Variants in GBE1 observed in about 807,000 individuals in gnomAD.
GBE1 encodes the protein 1,4-alpha-glucan-branching enzyme.
A neutral mutation model predicts 88.8 loss-of-function variants in GBE1; 70 were observed. The ratio of observed to expected loss-of-function variants is 0.79; its 90% confidence interval spans 0.65 to 0.96. GBE1 has a LOEUF of 0.96. Among genes scored for constraint, GBE1 ranks in the 40% least tolerant of loss-of-function variants. GBE1 has a pLI of 0.00. For missense variants in GBE1, 872 were observed against 871.0 expected (o/e 1.00, Z -0.01); for synonymous variants, 284 against 300.1 (o/e 0.95, Z 0.56).
chr3:81,629,890 C>T (rs1237227502), intron 7 of GBE1, among the ~76,000 whole-genome samples: 2 of 149,364 alleles, frequency 1.3e-5, no homozygotes, highest in Middle Eastern at 3.4e-3. Context: ...CAACAGTCCC[C>T]GGTGTGTGAT....
At chr3:81,547,620 G>A (rs879575651) in intron 12 of GBE1, among the ~76,000 whole-genome samples, 4 of 129,484 alleles carry the variant, frequency 3.1e-5, no homozygotes, top group Non-Finnish European at 6.5e-5. Flanking sequence ...TTCTAGGTTC[G>A]TTTGTTCTCT....
chr3:81,528,589 A>G (rs1702975942), intron 14 of GBE1, among the ~76,000 whole-genome samples: 1 of 151,998 alleles, frequency 6.6e-6, no homozygotes, highest in African/African-American at 2.4e-5. Context: ...TGAAGTCTCC[A>G]GCTGTTATTG....
chr3:81,712,122 C>T (rs1261233126), intron 1 of GBE1, among the ~76,000 whole-genome samples: 1 of 152,150 alleles, frequency 6.6e-6, no homozygotes, highest in South Asian at 2.1e-4. Flanking sequence ...ACACCAGTTA[C>T]AATGGCGATC....
intron 1 of GBE1, among the ~76,000 whole-genome samples, chr3:81,708,826 C>T (rs1427546556): frequency 6.6e-6 from 1 of 151,842 alleles, no homozygotes; most frequent in African/African-American, 2.4e-5. Flanking sequence ...TATATGACAA[C>T]CATCAAAAAA....
At chr3:81,663,858 G>A (rs1008514439) in intron 3 of GBE1, among the ~76,000 whole-genome samples, 6 of 152,080 alleles carry the variant, frequency 3.9e-5, no homozygotes, top group Admixed American at 3.3e-4. Context: ...CCCATCGCGC[G>A]CCCTGTGAGG....
intron 1 of GBE1, among the ~76,000 whole-genome samples, chr3:81,736,941 G>A (rs1294088258): frequency 6.6e-6 from 1 of 152,048 alleles, no homozygotes; most frequent in African/African-American, 2.4e-5. Context: ...GTAACTCTAT[G>A]CAGAATGGAA....
intron 14 of GBE1, among the ~76,000 whole-genome samples, chr3:81,513,457 A>G (rs1189121392): frequency 6.6e-6 from 1 of 151,618 alleles, no homozygotes; most frequent in Non-Finnish European, 1.5e-5. Flanking sequence ...ACTATGTGCT[A>G]GAGGGCAAAG....
At chr3:81,662,235 T>G (rs1036214353) in intron 3 of GBE1, among the ~76,000 whole-genome samples, 2 of 152,160 alleles carry the variant, frequency 1.3e-5, no homozygotes, top group Admixed American at 1.3e-4. Flanking sequence ...TTTCTCTATG[T>G]TGGTCAGGCT....
intron 7 of GBE1, among the ~76,000 whole-genome samples, chr3:81,596,010 C>A (rs1703951630): frequency 6.6e-6 from 1 of 151,854 alleles, no homozygotes; most frequent in Non-Finnish European, 1.5e-5. Flanking sequence ...ATCATAAAGT[C>A]TTTTAAAAAC....
At chr3:81,666,331 T>A (rs1705114028) in intron 3 of GBE1, among the ~76,000 whole-genome samples, 1 of 152,216 alleles carries the variant, frequency 6.6e-6, no homozygotes, top group African/African-American at 2.4e-5. Context: ...AGGGCTACTT[T>A]TCTTTCCATA....
At chr3:81,499,071 A>G (rs1702552226) in intron 15 of GBE1, 39 bp downstream of exon 15, 1 of 1,057,796 alleles carries the variant, frequency 9.5e-7, no homozygotes, top group South Asian at 1.4e-5. Flanking sequence ...TAAAAGAGTA[A>G]ATTAAAATAG....
chr3:81,575,560 G>C lies in GBE1; in HGVS notation c.1618+2365C>G, dbSNP rs971158164. Among the ~76,000 whole-genome samples the C allele has an allele frequency of 3.3e-5, 5 of 152,224 alleles. No individual in the cohort carries two copies. The South Asian group carries it at 1.0e-3, about 32-fold the overall frequency. Reference sequence around the variant, plus strand: ...AAAATATGTGCTATACAAATGTATAGTTGTTTTATTTCTTTTGACTCACTG... The same window carrying C: ...AAAATATGTGCTATACAAATGTATACTTGTTTTATTTCTTTTGACTCACTG... On this transcript the variant is annotated intron_variant, in intron 12 of 15. Transcript: ENST00000429644.
At chr3:81,630,555 A>G (rs940147561) in intron 7 of GBE1, among the ~76,000 whole-genome samples, 7 of 152,318 alleles carry the variant, frequency 4.6e-5, no homozygotes, top group Non-Finnish European at 7.4e-5. Context: ...TTCCATTACT[A>G]CAAAATTTAA....
chr3:81,700,429 A>C (rs1705669936), intron 2 of GBE1, among the ~76,000 whole-genome samples: 1 of 152,226 alleles, frequency 6.6e-6, no homozygotes, highest in Non-Finnish European at 1.5e-5. Flanking sequence ...TTAATTATTC[A>C]AAAACTGAAA....
At chr3:81,659,520 T>C (rs1704993204) in intron 3 of GBE1, among the ~76,000 whole-genome samples, 1 of 146,664 alleles carries the variant, frequency 6.8e-6, no homozygotes, top group South Asian at 2.2e-4. Context: ...TTTTTTTTTT[T>C]TGTATTTTTA....
rs564476523 is a variant in GBE1 at position 81,583,348 on chromosome 3, G to C, written c.1336-2073C>G. Among the ~76,000 whole-genome samples the C allele has an allele frequency of 3.9e-5, 6 of 152,196 alleles. 1 individual carries two copies. In the South Asian group the frequency reaches 1.2e-3, roughly 32 times the overall value. ...AAATTAAACAGGGAATTACTGTATG[G>C]TTCAGTAATTGTAGTGTTTGAGCAT... On this transcript the variant is annotated intron_variant, in intron 10 of 15. Transcript: ENST00000429644.
At chr3:81,583,659 G>C (rs911094285) in intron 10 of GBE1, among the ~76,000 whole-genome samples, 2 of 152,128 alleles carry the variant, frequency 1.3e-5, no homozygotes, top group South Asian at 4.2e-4. Context: ...GTCACAAACT[G>C]CATGATTCCA....
At chr3:81,742,126 A>G (rs957134057) in intron 1 of GBE1, among the ~76,000 whole-genome samples, 9 of 151,990 alleles carry the variant, frequency 5.9e-5, no homozygotes, top group African/African-American at 1.2e-4. Flanking sequence ...CCCAAAGAGT[A>G]GCTTCGAGAG....
intron 7 of GBE1, among the ~76,000 whole-genome samples, chr3:81,599,325 C>CGT (rs144404903): frequency 1.1e-4 from 17 of 150,744 alleles, no homozygotes; most frequent in African/African-American, 2.4e-4. Context: ...TGCTTGTGTG[C>CGT]GTGTGTGTGT....
Sources: gnomAD v4.1 joint callset for allele counts (sites outside exome capture counted in the v4.1 genomes callset) on GRCh38, gnomAD v4.1.1 for gene constraint, MANE v1.5 for transcripts, NCBI Gene and HGNC (gene_info 2026-07-23, HGNC 2026-07-21) for gene names.